The following NCAPD2 variants were observed in gnomAD, a reference collection of about 807,000 sequenced individuals.
The protein encoded by NCAPD2 is non-SMC condensin I complex subunit D2, also known as condensin complex subunit 1.
A neutral mutation model predicts 164.5 loss-of-function variants in NCAPD2; 100 were observed. That is an observed-to-expected ratio of 0.61 (90% CI 0.52 to 0.72). The LOEUF is 0.72. Among genes scored for constraint, NCAPD2 ranks in the 30% least tolerant of loss-of-function variants. The pLI is 0.00. For missense variants in NCAPD2, 1,560 were observed against 1,749.2 expected, an observed-to-expected ratio of 0.89 and a Z score of 1.93; for synonymous variants, 585 against 642.6, an observed-to-expected ratio of 0.91 and a Z score of 1.36.
intron 29 of NCAPD2, among the ~76,000 whole-genome samples, 170 bp downstream of exon 29, chr12:6,530,128 C>CT (rs1565548323): frequency 6.6e-6 from 1 of 152,352 alleles, no homozygotes; most frequent in Non-Finnish European, 1.5e-5. Context: ...GTCTCCAGTT[C>CT]TTTTTTTATT....
chr12:6,523,284 C>G lies in NCAPD2; in HGVS notation c.2152C>G (p.Gln718Glu), dbSNP rs2137057127. ...SARAKAQALI[Q>E]NLSLLLVDAS... The stretch of plus-strand genomic sequence containing the variant: ...CAGAGCCAAGGCCCAGGCTTTGATT[C>G]AGAATCTCTCTCTGCTGCTAGTGGA... Residue 718 changes from glutamine to glutamate, a missense_variant, in exon 17 of 32, where the codon CAG becomes GAG. Gln to Glu is a conservative substitution (Grantham distance 29). Transcript: ENST00000315579. 6.2e-7 allele frequency: 1 copy of G among 1,614,104 alleles called. No homozygotes were observed. The highest frequency in any genetic ancestry group is 1.3e-5 in the African/African-American group (1 of 75,026).
chr12:6,510,175 AT>A, intron 4 of NCAPD2, 42 bp downstream of exon 4: 1 of 1,546,198 alleles, frequency 6.5e-7, no homozygotes, highest in Non-Finnish European at 8.9e-7. Flanking sequence ...GGTGTTTGTT[AT>A]CGTTTGTTTG....
intron 16 of NCAPD2, 44 bp from the exon 17 acceptor site, chr12:6,523,218 C>A: frequency 6.3e-7 from 1 of 1,588,028 alleles, no homozygotes; most frequent in Non-Finnish European, 8.6e-7. Context: ...CCAAGTTCAG[C>A]TTCCCAATCT....
In NCAPD2 at chr12:6,531,268, C is replaced by T; in HGVS notation, c.4121-59C>T. The stretch of plus-strand genomic sequence containing the variant: ...GATTGTCTCACTTGTTCTCTGATAT[C>T]TATTTTTTCACCATCTTTGTGACTC... On this transcript the variant is annotated intron_variant, in intron 31 of 31. Coordinates refer to ENST00000315579, the MANE Select transcript of NCAPD2 (RefSeq NM_014865.4). The surrounding 1 kb of genome is among the most constrained non-coding windows in gnomAD (Gnocchi z 4.1). 2 of 1,549,698 alleles carry T rather than the reference C, an allele frequency of 1.3e-6. No homozygotes were observed. The highest frequency in any genetic ancestry group is 8.9e-7 in the Non-Finnish European group (1 of 1,127,764).
chr12:6,510,775 C>G lies in NCAPD2; in HGVS notation c.409C>G (p.Gln137Glu). The part of the protein sequence containing the change: ...LLESFETMAS[Q>E]TNLVDLDLGG... ...GGAATCCTTTGAGACCATGGCCAGCCAGACAAACCTTGTGGACCTGGACCT... is the reference window on the plus strand; with the variant it reads ...GGAATCCTTTGAGACCATGGCCAGCGAGACAAACCTTGTGGACCTGGACCT... The change falls in exon 5 of 32, where the codon CAG (glutamine) becomes GAG (glutamate). Residue 137 changes from glutamine to glutamate, a missense_variant. Transcript: ENST00000315579. 1 of 1,614,134 alleles carries G rather than the reference C, an allele frequency of 6.2e-7. No individual in the cohort carries two copies.
intron 2 of NCAPD2, among the ~76,000 whole-genome samples, chr12:6,507,509 T>C (rs1456115583): frequency 6.6e-6 from 1 of 152,264 alleles, no homozygotes; most frequent in African/African-American, 2.4e-5. Flanking sequence ...CCTTTATTCC[T>C]GACGCAAGTC....
rs780677151 is a variant in NCAPD2 at position 6,526,439 on chromosome 12, C to T, written c.2567-9C>T. 3 of 1,614,190 alleles carry T rather than the reference C, an allele frequency of 1.9e-6. No homozygotes were observed. In the South Asian group the frequency reaches 3.3e-5, roughly 18 times the overall value. ...TTGCAGTAAACAACTTCTCCCTCCT[C>T]CTCTGCAGGCTTTGTCCACCCAGAC... On this transcript the variant is annotated splice_polypyrimidine_tract_variant and intron_variant, in intron 20 of 31. Transcript: ENST00000315579.
rs552513216 is a variant in NCAPD2 at position 6,509,789 on chromosome 12, T to G, written c.200T>G (p.Leu67Trp). ...CACTTTGATACTATCTACAGCATTT[T>G]GCAGTAAGTGAAACACCCAACTGGT... ...LQHFDTIYSILHHFRSIDPGL... is the reference protein window; with the variant it reads ...LQHFDTIYSIWHHFRSIDPGL... Residue 67 changes from leucine (L) to tryptophan (W), a missense_variant, in exon 3 of 32, where the codon TTG (leucine) becomes TGG (tryptophan). Transcript: ENST00000315579. The G allele has an allele frequency of 3.1e-6, 5 of 1,613,868 alleles. No homozygotes were observed. The South Asian group carries it at 4.4e-5, about 14-fold the overall frequency.
intron 2 of NCAPD2, among the ~76,000 whole-genome samples, chr12:6,507,512 C>T (rs146469197): frequency 5.6e-4 from 85 of 152,334 alleles, no homozygotes; most frequent in African/African-American, 1.9e-3. Flanking sequence ...TTATTCCTGA[C>T]GCAAGTCCTG....
At chr12:6,507,566 T>C (rs1007081366) in intron 2 of NCAPD2, among the ~76,000 whole-genome samples, 5 of 152,196 alleles carry the variant, frequency 3.3e-5, no homozygotes, top group Non-Finnish European at 1.5e-5. Context: ...GTTGCACAAT[T>C]AGCCCAATTG....
At chr12:6,517,062 T>C (rs1163790820) in intron 10 of NCAPD2, 37 bp downstream of exon 10, 1 of 1,576,628 alleles carries the variant, frequency 6.3e-7, no homozygotes, top group Admixed American at 1.7e-5. Flanking sequence ...ATATGGTACC[T>C]CTCCATATAC....
intron 6 of NCAPD2, among the ~76,000 whole-genome samples, chr12:6,513,664 A>T (rs1284115647): frequency 6.8e-6 from 1 of 146,748 alleles, no homozygotes; most frequent in African/African-American, 2.5e-5. Context: ...CTTGAGATGC[A>T]GATTGAATCA....
chr12:6,524,681 GATA>G lies in NCAPD2; in HGVS notation c.2215-897_2215-895del, dbSNP rs1449048984. On this transcript the variant is annotated intron_variant, in intron 17 of 31. Coordinates refer to ENST00000315579, the MANE Select transcript of NCAPD2 (RefSeq NM_014865.4). ...AAAAAAAAAAAAAAAATCTGGAAAA[GATA>G]ATAAAGTTGTGAATGTAGGTTGGAA... Among the ~76,000 whole-genome samples the G allele has an allele frequency of 1.1e-4, 17 of 148,418 alleles. No homozygotes were observed. In the East Asian group the frequency reaches 3.1e-3, roughly 27 times the overall value.
At position 6,508,371 on chromosome 12, in the gene NCAPD2, C is replaced by A. The variant is rs1946116079; in HGVS notation, c.128-1346C>A. Among the ~76,000 whole-genome samples, 5 of 152,132 alleles carry A rather than the reference C, an allele frequency of 3.3e-5. No individual in the cohort carries two copies. In the South Asian group the frequency reaches 1.0e-3, roughly 32 times the overall value. On this transcript the variant is annotated intron_variant, in intron 2 of 31. Transcript: ENST00000315579. ...AAAAAATGGAAGCATGTTCAAAGGA[C>A]ACAGGCCAAGTTGAAGGAGATCGCA...
At chr12:6,504,155 C>T (rs554741915) in intron 2 of NCAPD2, among the ~76,000 whole-genome samples, 1 of 105,026 alleles carries the variant, frequency 9.5e-6, no homozygotes, top group African/African-American at 3.0e-5. Context: ...CATGGACTAT[C>T]TCATTCAGTT....
chr12:6,531,332 T>G lies in NCAPD2; in HGVS notation c.4126T>G (p.Ser1376Ala). ...SSDESSEEDLSAEMTEDETPK... is the reference protein window; with the variant it reads ...SSDESSEEDLAAEMTEDETPK... ...TCCTTTAATTCTTTGCATAGATCTT[T>G]CAGCAGAGATGACAGAAGACGAGAC... The change falls in exon 32 of 32, where the codon TCA becomes GCA. Residue 1376 changes from serine to alanine, a missense_variant. By Grantham distance (99) the Ser-to-Ala change is moderately conservative (BLOSUM62 1). Coordinates refer to ENST00000315579, the MANE Select transcript of NCAPD2 (RefSeq NM_014865.4). The surrounding 1 kb of genome is among the most constrained non-coding windows in gnomAD (Gnocchi z 4.1). The G allele has an allele frequency of 6.2e-7, 1 of 1,613,228 alleles. No homozygotes were observed. The highest frequency in any genetic ancestry group is 8.5e-7 in the Non-Finnish European group (1 of 1,179,720).
chr12:6,517,125 T>G, intron 10 of NCAPD2, 100 bp downstream of exon 10: 1 of 1,401,366 alleles, frequency 7.1e-7, no homozygotes, highest in South Asian at 1.2e-5. Context: ...CAAAGAGGTC[T>G]AGAATTCACA....
Position 6,530,851 on chromosome 12 carries a change from C to T in NCAPD2, c.3964+34C>T, listed in dbSNP as rs749132392. On this transcript the variant is annotated intron_variant, in intron 30 of 31. Coordinates refer to ENST00000315579, the MANE Select transcript of NCAPD2 (RefSeq NM_014865.4). ...GGCAGCCTGTGCGGGCGAGACCAGA[C>T]TGGGCCCTCCCCTCCTGCAGTGATT... The T allele has an allele frequency of 3.7e-6, 6 of 1,613,900 alleles. No homozygotes were observed. The Admixed American group carries it at 1.0e-4, about 27-fold the overall frequency.
chr12:6,518,504 G>GTTTTTTTTTGTTTTTGTTT (rs1946226721), intron 13 of NCAPD2, among the ~76,000 whole-genome samples: 1 of 44,774 alleles, frequency 2.2e-5, no homozygotes, highest in African/African-American at 1.0e-4. Flanking sequence ...CCGTCAACAA[G>GTTTTTTTTTGTTTTTGTTT]TTTTTTTTTT....
Sources: allele counts gnomAD v4.1 joint callset (sites outside exome capture counted in the v4.1 genomes callset), GRCh38; gene constraint gnomAD v4.1.1; non-coding constraint Gnocchi (gnomAD v3.1); transcripts MANE v1.5; gene names NCBI Gene and HGNC (gene_info 2026-07-23, HGNC 2026-07-21).